Variants in CRMP1 observed in about 807,000 individuals in gnomAD.
The protein encoded by CRMP1 is collapsin response mediator protein 1, also known as dihydropyrimidinase-related protein 1.
In CRMP1, 19 loss-of-function variants were observed where a neutral mutation model predicts 68.3. The ratio of observed to expected loss-of-function variants is 0.28; its 90% CI spans 0.19 to 0.41. The LOEUF is 0.41. Among genes scored for constraint, CRMP1 ranks in the 10% least tolerant of loss-of-function variants. The probability of loss-of-function intolerance (pLI) is 1.00; values close to 1 mark genes in which losing one functional copy is unlikely to be tolerated. For synonymous variants in CRMP1, 439 were observed against 399.6 expected (o/e 1.10, Z -1.18); for missense variants, 791 against 967.4 (o/e 0.82, Z 2.42).
At chr4:5,886,732 T>G (rs79831076) in intron 1 of CRMP1, among the ~76,000 whole-genome samples, 8,423 of 152,318 alleles carry the variant, frequency 0.055, 303 homozygotes, top group South Asian at 0.11. Context: ...TCAGTTCCCT[T>G]GGGAGGCAGG....
chr4:5,836,045 G>C lies in CRMP1; in HGVS notation c.1493C>G (p.Thr498Ser). The C allele has an allele frequency of 6.3e-7, 1 of 1,576,970 alleles. No homozygotes were observed. The highest frequency in any genetic ancestry group is 8.6e-7 in the Non-Finnish European group (1 of 1,161,824). ...AAAGATCTTGGCTGCATTGGTGCTG[G>C]TGACAGCGACAAACTGGTTCTCATC... Reference protein sequence around the residue: ...KMDENQFVAVTSTNAAKIFNL... With the variant: ...KMDENQFVAVSSTNAAKIFNL... Residue 498 changes from threonine to serine, a missense_variant, in exon 11 of 14, where the codon ACC (threonine) becomes AGC (serine). Transcript: ENST00000324989.
rs954197908 is a variant in CRMP1, at chr4:5,892,374, G to A, written c.381+215C>T. ...ACTGGACCCGGGCGATCCCTTCCGA[G>A]TCTCACGGACCACGCCGGCCAGCCC... On this transcript the variant is annotated intron_variant, in intron 1 of 13. Coordinates refer to ENST00000324989, the MANE Select transcript of CRMP1 (RefSeq NM_001014809.3). The surrounding 1 kb of genome is among the most constrained non-coding windows in gnomAD (Gnocchi z 8.6). Among the ~76,000 whole-genome samples, 1 of 152,206 alleles carries A rather than the reference G, an allele frequency of 6.6e-6. No homozygotes were observed. Among genetic ancestry groups the A allele is most frequent in the Admixed American group, 6.5e-5 (1 of 15,292 alleles).
intron 8 of CRMP1, among the ~76,000 whole-genome samples, chr4:5,839,895 G>A (rs1468643706): frequency 6.6e-6 from 1 of 152,240 alleles, no homozygotes; most frequent in Non-Finnish European, 1.5e-5. Context: ...CGCGCTCCAT[G>A]GGGCGTACGG....
In CRMP1 at chr4:5,881,668, T is replaced by C. The variant is rs1346714324; in HGVS notation, c.381+10921A>G. Among the ~76,000 whole-genome samples, 2 of 152,206 alleles carry C rather than the reference T, an allele frequency of 1.3e-5. No individual in the cohort carries two copies. Among genetic ancestry groups the C allele is most frequent in the Non-Finnish European group, 2.9e-5 (2 of 68,028 alleles). On this transcript the variant is annotated intron_variant, in intron 1 of 13. Transcript: ENST00000324989. This position sits in a 1 kb window ranked among gnomAD's most constrained non-coding sequence, Gnocchi z 4.6. ...AGCAAATTAGACTCTATTCAACATCTCTCTGCTTGTGAATACTCAGGGCTC... is the reference window on the plus strand; with the variant it reads ...AGCAAATTAGACTCTATTCAACATCCCTCTGCTTGTGAATACTCAGGGCTC...
intron 6 of CRMP1, among the ~76,000 whole-genome samples, chr4:5,847,048 A>G (rs1712273185): frequency 6.6e-6 from 1 of 152,174 alleles, no homozygotes; most frequent in Non-Finnish European, 1.5e-5. Context: ...GCCAAGAGCT[A>G]TGGAGACTTA....
chr4:5,851,989 A>AGGAG (rs1351589998), intron 4 of CRMP1, among the ~76,000 whole-genome samples: 123 of 75,534 alleles, frequency 1.6e-3, no homozygotes, highest in Non-Finnish European at 3.4e-3. Flanking sequence ...AGGAAGAGGA[A>AGGAG]GAGGAGGAGA....
intron 1 of CRMP1, among the ~76,000 whole-genome samples, chr4:5,876,181 C>A (rs1296685609): frequency 6.6e-6 from 1 of 151,618 alleles, no homozygotes; most frequent in Admixed American, 6.6e-5. Context: ...TGTTTCAAAA[C>A]TTCTTCTTTT....
chr4:5,843,240 G>A lies in CRMP1; in HGVS notation c.964-79C>T. ...AGTGACTCCTCCAACCCCCTGGTTAGACAGAGGGGGCAGCTGGGTCCCAAA... is the reference window on the plus strand; with the variant it reads ...AGTGACTCCTCCAACCCCCTGGTTAAACAGAGGGGGCAGCTGGGTCCCAAA... On this transcript the variant is annotated intron_variant, in intron 6 of 13. Transcript: ENST00000324989. The surrounding 1 kb of genome is among the most constrained non-coding windows in gnomAD (Gnocchi z 4.1). 1.4e-6 allele frequency: 2 copies of A among 1,445,154 alleles called. No homozygotes were observed. Among genetic ancestry groups the A allele is most frequent in the Non-Finnish European group, 1.9e-6 (2 of 1,027,970 alleles). 89.5% of individuals were successfully genotyped at this position (1,445,154 alleles called of 1,614,324 possible).
intron 3 of CRMP1, among the ~76,000 whole-genome samples, chr4:5,857,202 TCAC>T (rs1160407445): frequency 6.6e-6 from 1 of 150,966 alleles, no homozygotes; most frequent in Non-Finnish European, 1.5e-5. Flanking sequence ...ACCACCATCA[TCAC>T]CACCCCATCA....
intron 1 of CRMP1, among the ~76,000 whole-genome samples, chr4:5,869,678 C>T (rs1193524180): frequency 5.6e-5 from 6 of 106,848 alleles, no homozygotes; most frequent in East Asian, 3.0e-4. Flanking sequence ...AGCAAGACTC[C>T]GTCAAAAAAA....
At position 5,842,853 on chromosome 4, in the gene CRMP1, C is replaced by A. The variant is rs928709992; in HGVS notation, c.1032+240G>T. On this transcript the variant is annotated intron_variant, in intron 7 of 13. Transcript: ENST00000324989. This position sits in a 1 kb window ranked among gnomAD's most constrained non-coding sequence, Gnocchi z 4.5. Reference sequence around the variant, plus strand: ...TGAGAATCCGTATCCACTTGGGACACTGAAGCACCCACGGGGCCTTGGAGT... The same window carrying A: ...TGAGAATCCGTATCCACTTGGGACAATGAAGCACCCACGGGGCCTTGGAGT... 6.6e-6 allele frequency among the ~76,000 whole-genome samples: 1 copy of A among 152,184 alleles called. No individual in the cohort carries two copies. Among genetic ancestry groups the A allele is most frequent in the African/African-American group, 2.4e-5 (1 of 41,448 alleles).
At position 5,872,515 on chromosome 4, in the gene CRMP1, C is replaced by A. The variant is rs569924656; in HGVS notation, c.382-5759G>T. On this transcript the variant is annotated intron_variant, in intron 1 of 13. Transcript: ENST00000324989. This position sits in a 1 kb window ranked among gnomAD's most constrained non-coding sequence, Gnocchi z 4.6. ...CAGCCTGGCCAACATGGTGAAACCC[C>A]GTCTCTACTAAAAATGCAAAAATTA... 2.5e-3 allele frequency among the ~76,000 whole-genome samples: 375 copies of A among 152,136 alleles called. 3 individuals are homozygous for A. Among genetic ancestry groups the A allele is most frequent in the African/African-American group, 8.5e-3 (352 of 41,504 alleles).
At chr4:5,864,293 G>T (rs1006444813) in intron 2 of CRMP1, among the ~76,000 whole-genome samples, 9 of 152,106 alleles carry the variant, frequency 5.9e-5, no homozygotes, top group Non-Finnish European at 1.5e-5. Context: ...CATTCTCAGG[G>T]TCATTTTACC....
intron 6 of CRMP1, among the ~76,000 whole-genome samples, chr4:5,848,133 G>T (rs1213315103): frequency 6.6e-6 from 1 of 150,984 alleles, no homozygotes; most frequent in East Asian, 1.9e-4. Flanking sequence ...AACCTAGCTA[G>T]TCACCCTGAC....
intron 11 of CRMP1, among the ~76,000 whole-genome samples, chr4:5,830,598 T>C (rs181168560): frequency 6.6e-6 from 1 of 152,342 alleles, no homozygotes; most frequent in East Asian, 1.9e-4. Context: ...AACTATCGTT[T>C]CCTAATTCTA....
Position 5,877,646 on chromosome 4 carries a change from G to C in CRMP1, c.382-10890C>G, listed in dbSNP as rs182862521. On this transcript the variant is annotated intron_variant, in intron 1 of 13. Coordinates refer to ENST00000324989, the MANE Select transcript of CRMP1 (RefSeq NM_001014809.3). The surrounding 1 kb of genome is among the most constrained non-coding windows in gnomAD (Gnocchi z 4.3). ...GCCTGAATCTAATTAACACACATTC[G>C]TTCCCCCTCTCACGGGTAGGGGACA... 6.6e-6 allele frequency among the ~76,000 whole-genome samples: 1 copy of C among 152,146 alleles called. No homozygotes were observed. The highest frequency in any genetic ancestry group is 1.5e-5 in the Non-Finnish European group (1 of 68,026).
chr4:5,830,616 C>T (rs2152456211), intron 11 of CRMP1, among the ~76,000 whole-genome samples: 1 of 152,314 alleles, frequency 6.6e-6, no homozygotes, highest in East Asian at 1.9e-4. Context: ...CTAATTGTCT[C>T]CTTTATTGTA....
chr4:5,853,002 C>T lies in CRMP1; in HGVS notation c.821-1533G>A, dbSNP rs113888384. 0.055 allele frequency among the ~76,000 whole-genome samples: 8,409 copies of T among 152,146 alleles called. 282 individuals carry two copies. Among genetic ancestry groups the T allele is most frequent in the African/African-American group, 0.073 (3,020 of 41,520 alleles). On this transcript the variant is annotated intron_variant, in intron 4 of 13. Transcript: ENST00000324989. This position sits in a 1 kb window ranked among gnomAD's most constrained non-coding sequence, Gnocchi z 4.7. The stretch of plus-strand genomic sequence containing the variant: ...TGCAGGGGGCTGGGGCTCTGGGCCC[C>T]AGGAACTGGAACAAGCCAGTCTGGA...
Position 5,854,399 on chromosome 4 carries a change from G to GTTTTTT in CRMP1, c.820+1738_820+1743dup, listed in dbSNP as rs35551598. Reference sequence around the variant, plus strand: ...GGCGTACACCACCACTCCTGGCTATGTTTTTTTTTTTTTTTTTTTTTTTTT... The same window carrying GTTTTTT: ...GGCGTACACCACCACTCCTGGCTATGTTTTTTTTTTTTTTTTTTTTTTTTTTTTTTT... On this transcript the variant is annotated intron_variant, in intron 4 of 13. Transcript: ENST00000324989. This position sits in a 1 kb window ranked among gnomAD's most constrained non-coding sequence, Gnocchi z 4.0. 5.4e-4 allele frequency among the ~76,000 whole-genome samples: 38 copies of GTTTTTT among 70,860 alleles called. 3 individuals are homozygous for GTTTTTT. Among genetic ancestry groups the GTTTTTT allele is most frequent in the African/African-American group, 2.3e-3 (38 of 16,526 alleles). 46.5% of individuals were successfully genotyped at this position (70,860 alleles called of 152,430 possible).
Sources: gnomAD v4.1 joint callset for allele counts (sites outside exome capture counted in the v4.1 genomes callset) on GRCh38, gnomAD v4.1.1 for gene constraint, Gnocchi (gnomAD v3.1) non-coding constraint, MANE v1.5 for transcripts, NCBI Gene and HGNC (gene_info 2026-07-23, HGNC 2026-07-21) for gene names.